The following PRR16 variants were observed in gnomAD, a reference collection of about 807,000 sequenced individuals.
PRR16 encodes the protein proline rich 16, also known as protein Largen.
Under a neutral mutation model 18.2 loss-of-function variants are expected in PRR16, and 6 were observed. The observed-to-expected ratio is 0.33, with a 90% CI of 0.18 to 0.65. The LOEUF is 0.65. PRR16 is among the 30% of genes least tolerant of loss of function. PRR16 has a pLI of 0.74. For synonymous variants in PRR16, 151 were observed against 147.8 expected (o/e 1.02, Z -0.16); for missense variants, 412 against 376.6 (o/e 1.09, Z -0.78).
intron 1 of PRR16, among the ~76,000 whole-genome samples, chr5:120,674,985 G>A (rs1756746002): frequency 6.6e-6 from 1 of 151,688 alleles, no homozygotes; most frequent in Admixed American, 6.6e-5. Flanking sequence ...ACATTTTCAA[G>A]CATCTCTAAA....
intron 1 of PRR16, among the ~76,000 whole-genome samples, chr5:120,483,916 A>G (rs141904910): frequency 1.2e-4 from 19 of 152,040 alleles, no homozygotes; most frequent in Non-Finnish European, 2.6e-4. Flanking sequence ...TATTTCATTC[A>G]GTTCCAACTT....
chr5:120,468,435 T>C (rs1749170859), intron 1 of PRR16, among the ~76,000 whole-genome samples: 1 of 152,158 alleles, frequency 6.6e-6, no homozygotes, highest in African/African-American at 2.4e-5. Flanking sequence ...AGGTTTGGAC[T>C]ACAAGAGTAA....
the PRR16 span, among the ~76,000 whole-genome samples, chr5:120,696,361 CTT>C: frequency 1.1e-4 from 17 of 152,226 alleles, no homozygotes; most frequent in South Asian, 6.2e-4. Flanking sequence ...TAGTGTGCAT[CTT>C]TTTCTTAAAT....
At chr5:120,588,931 T>A (rs1002020926) in intron 1 of PRR16, among the ~76,000 whole-genome samples, 2 of 152,058 alleles carry the variant, frequency 1.3e-5, no homozygotes, top group African/African-American at 4.8e-5. Flanking sequence ...ATAGATTTTT[T>A]TTTATACTAA....
intron 1 of PRR16, among the ~76,000 whole-genome samples, chr5:120,682,005 G>A (rs780149129): frequency 6.6e-6 from 1 of 152,140 alleles, no homozygotes; most frequent in Admixed American, 6.6e-5. Flanking sequence ...TTGTCTGTTT[G>A]AATACTACAT....
At chr5:120,473,751 G>C (rs1421261499) in intron 1 of PRR16, among the ~76,000 whole-genome samples, 1 of 152,186 alleles carries the variant, frequency 6.6e-6, no homozygotes, top group Non-Finnish European at 1.5e-5. Flanking sequence ...AGTTTACATA[G>C]TGGATGGGGA....
At chr5:120,641,000 G>A (rs576821103) in intron 1 of PRR16, among the ~76,000 whole-genome samples, 3 of 152,186 alleles carry the variant, frequency 2.0e-5, no homozygotes, top group East Asian at 3.9e-4. Context: ...TTAAGAAGAG[G>A]CGATTGTAAG....
At chr5:120,556,614 CTTTGCCA>C (rs2112709516) in intron 1 of PRR16, among the ~76,000 whole-genome samples, 1 of 152,064 alleles carries the variant, frequency 6.6e-6, no homozygotes, top group Admixed American at 6.6e-5. Context: ...ACAGTTTCAT[CTTTGCCA>C]TTTGCATGTA....
At chr5:120,667,834 C>T (rs7380212) in intron 1 of PRR16, among the ~76,000 whole-genome samples, 147,395 of 152,200 alleles carry the variant, frequency 0.97, 71,489 homozygotes, top group East Asian at 1. Context: ...TTGTTATAAT[C>T]TCTGTTCTTT....
chr5:120,631,545 G>T (rs1755054887), intron 1 of PRR16, among the ~76,000 whole-genome samples: 1 of 152,082 alleles, frequency 6.6e-6, no homozygotes, highest in Non-Finnish European at 1.5e-5. Context: ...TTGGGATGAG[G>T]CTGGTGACTG....
chr5:120,539,476 A>G (rs1751836414), intron 1 of PRR16, among the ~76,000 whole-genome samples: 1 of 152,108 alleles, frequency 6.6e-6, no homozygotes, highest in African/African-American at 2.4e-5. Flanking sequence ...GCCATCTAAT[A>G]CTTTAGTGGA....
intron 1 of PRR16, among the ~76,000 whole-genome samples, chr5:120,478,684 C>T (rs983370897): frequency 2.6e-5 from 4 of 152,050 alleles, no homozygotes; most frequent in Non-Finnish European, 5.9e-5. Context: ...TTTAGGAGTG[C>T]CCATTTTTCC....
chr5:120,732,001 G>A, the PRR16 span, among the ~76,000 whole-genome samples: 1 of 152,166 alleles, frequency 6.6e-6, no homozygotes, highest in Non-Finnish European at 1.5e-5. Context: ...GACAGGAATA[G>A]TCACTGACCC....
intron 1 of PRR16, among the ~76,000 whole-genome samples, chr5:120,514,519 C>T (rs1382286540): frequency 1.3e-5 from 2 of 152,130 alleles, no homozygotes; most frequent in Non-Finnish European, 2.9e-5. Flanking sequence ...TCTAAGCAGC[C>T]AAAAGAAGTC....
chr5:120,633,130 A>G (rs1263250243), intron 1 of PRR16, among the ~76,000 whole-genome samples: 3 of 152,158 alleles, frequency 2.0e-5, no homozygotes, highest in African/African-American at 7.2e-5. Context: ...CAAGGAAACT[A>G]AGCTTCATAA....
At chr5:120,664,316 A>AACAAT (rs1174736877) in intron 1 of PRR16, among the ~76,000 whole-genome samples, 1 of 151,350 alleles carries the variant, frequency 6.6e-6, no homozygotes, top group Non-Finnish European at 1.5e-5. Context: ...AACAAAACAA[A>AACAAT]ACAAAACAAA....
intron 1 of PRR16, among the ~76,000 whole-genome samples, chr5:120,656,153 G>A (rs941470198): frequency 5.9e-5 from 9 of 151,746 alleles, no homozygotes; most frequent in Non-Finnish European, 1.0e-4. Context: ...ACCAATGACT[G>A]TCTTTGAGCC....
In PRR16 at chr5:120,468,234, G is replaced by T. The variant is rs76614462; in HGVS notation, c.159+3589G>T. 5.8e-3 allele frequency among the ~76,000 whole-genome samples: 889 copies of T among 152,262 alleles called. 54 individuals carry two copies. In the East Asian group the frequency reaches 0.15, roughly 26 times the overall value. On this transcript the variant is annotated intron_variant, in intron 1 of 1. Transcript: ENST00000407149. ...AAGAAATTTACAGTTGACTTAGATT[G>T]TCATGGTTAACATAAATGGATCAAT...
chr5:120,725,104 C>T, the PRR16 span, among the ~76,000 whole-genome samples: 1 of 151,856 alleles, frequency 6.6e-6, no homozygotes, highest in East Asian at 1.9e-4. Flanking sequence ...AGAGTATTTC[C>T]ACCAAAGGCA....
Sources: gnomAD v4.1 joint callset for allele counts (sites outside exome capture counted in the v4.1 genomes callset) on GRCh38, gnomAD v4.1.1 for gene constraint, MANE v1.5 for transcripts, NCBI Gene and HGNC (gene_info 2026-07-23, HGNC 2026-07-21) for gene names.